Variants in FSTL5 observed in about 807,000 individuals in gnomAD.
FSTL5 encodes follistatin-related protein 5.
In FSTL5, 62 loss-of-function variants were observed where a neutral mutation model predicts 89.1. The ratio of observed to expected loss-of-function variants is 0.70; its 90% CI spans 0.57 to 0.86. The LOEUF (loss-of-function observed/expected upper bound fraction) is 0.86, where lower values mean the gene tolerates loss of function less well. FSTL5 is among the 40% of genes least tolerant of loss of function. The probability of loss-of-function intolerance (pLI) is 0.00; values close to 1 mark genes in which losing one functional copy is unlikely to be tolerated. For missense variants in FSTL5, 1,057 were observed against 1,001.6 expected (o/e 1.06, Z -0.75); for synonymous variants, 383 against 346.2 (o/e 1.11, Z -1.18).
chr4:162,145,779 G>A (rs1414147271), intron 1 of FSTL5, among the ~76,000 whole-genome samples: 9 of 152,172 alleles, frequency 5.9e-5, no homozygotes, highest in Admixed American at 5.9e-4. Flanking sequence ...AAACATTGGT[G>A]AGTATTAATA....
intron 15 of FSTL5, among the ~76,000 whole-genome samples, chr4:161,396,690 T>C (rs553586407): frequency 1.4e-5 from 2 of 146,586 alleles, no homozygotes; most frequent in African/African-American, 5.0e-5. Flanking sequence ...AGACGCAATA[T>C]GGGATATAAG....
chr4:162,058,282 T>TTG (rs1738615995), intron 2 of FSTL5, among the ~76,000 whole-genome samples: 3 of 152,000 alleles, frequency 2.0e-5, no homozygotes, highest in Middle Eastern at 6.8e-3. Flanking sequence ...GAATAGAAGG[T>TTG]TTCAACTGGA....
chr4:161,847,002 C>T (rs79150610), intron 4 of FSTL5, among the ~76,000 whole-genome samples: 5,244 of 152,166 alleles, frequency 0.034, 176 homozygotes, highest in East Asian at 0.15. Context: ...TTTGACTTTG[C>T]TGTTATTTCA....
intron 3 of FSTL5, among the ~76,000 whole-genome samples, chr4:161,950,368 T>C (rs1308669546): frequency 6.6e-6 from 1 of 152,170 alleles, no homozygotes; most frequent in Non-Finnish European, 1.5e-5. Flanking sequence ...TCTTTTTCTG[T>C]TCTGCTGTCC....
At position 161,414,686 on chromosome 4, in the gene FSTL5, C is replaced by A. The variant is rs79701306; in HGVS notation, c.1842-28237G>T. Among the ~76,000 whole-genome samples the A allele has an allele frequency of 3.5e-3, 528 of 152,138 alleles. 13 individuals are homozygous for A. The East Asian group carries it at 0.054, about 16-fold the overall frequency. Reference sequence around the variant, plus strand: ...CATTAAAAACAACAAATCAGCAATCCCAAAAGCAAATTAACTGGCAGTTCA... The same window carrying A: ...CATTAAAAACAACAAATCAGCAATCACAAAAGCAAATTAACTGGCAGTTCA... On this transcript the variant is annotated intron_variant, in intron 15 of 15. Transcript: ENST00000306100.
chr4:161,841,301 T>G (rs901485894), intron 4 of FSTL5, among the ~76,000 whole-genome samples: 21 of 152,356 alleles, frequency 1.4e-4, no homozygotes, highest in Admixed American at 5.9e-4. Flanking sequence ...ATGTTATTGT[T>G]GCAATTTCTT....
chr4:161,509,629 T>A (rs1730591535), intron 11 of FSTL5, among the ~76,000 whole-genome samples: 1 of 152,174 alleles, frequency 6.6e-6, no homozygotes, highest in Admixed American at 6.5e-5. Context: ...CAGGAAGCTA[T>A]AATCAGGGAA....
intron 3 of FSTL5, among the ~76,000 whole-genome samples, chr4:161,967,854 C>T (rs1735371230): frequency 6.6e-6 from 1 of 151,922 alleles, no homozygotes. Flanking sequence ...TCTCAAATAT[C>T]ATAATTAAAG....
intron 2 of FSTL5, among the ~76,000 whole-genome samples, chr4:162,106,150 T>G (rs1731217499): frequency 6.6e-6 from 1 of 152,210 alleles, no homozygotes; most frequent in African/African-American, 2.4e-5. Context: ...TGTACACCCT[T>G]TGCCCCATTT....
At chr4:162,146,272 A>C (rs1174221396) in intron 1 of FSTL5, among the ~76,000 whole-genome samples, 1 of 152,124 alleles carries the variant, frequency 6.6e-6, no homozygotes, top group South Asian at 2.1e-4. Flanking sequence ...TATCCATCTG[A>C]AGAATATTTC....
intron 8 of FSTL5, among the ~76,000 whole-genome samples, chr4:161,580,210 T>G (rs72687560): frequency 0.076 from 11,579 of 152,226 alleles, 568 homozygotes; most frequent in Middle Eastern, 0.18. Context: ...TAATTTGACA[T>G]GAGAAACAGT....
chr4:161,992,450 T>C (rs986537300), intron 3 of FSTL5, among the ~76,000 whole-genome samples: 3 of 151,964 alleles, frequency 2.0e-5, no homozygotes, highest in African/African-American at 7.3e-5. Context: ...AAGAATTAAC[T>C]GAGCACAGAG....
chr4:161,682,030 C>T (rs1737543338), intron 6 of FSTL5, among the ~76,000 whole-genome samples: 1 of 152,086 alleles, frequency 6.6e-6, no homozygotes, highest in Admixed American at 6.6e-5. Flanking sequence ...TAGCATGTTA[C>T]AGTAATGAGT....
At chr4:161,968,934 T>TACAC (rs147433060) in intron 3 of FSTL5, among the ~76,000 whole-genome samples, 6,379 of 140,142 alleles carry the variant, frequency 0.046, 373 homozygotes, top group African/African-American at 0.14. Flanking sequence ...GACACAGACA[T>TACAC]ACACACACAC....
chr4:161,442,533 G>C lies in FSTL5; in HGVS notation c.1841+12471C>G, dbSNP rs557686439. 7.2e-5 allele frequency among the ~76,000 whole-genome samples: 11 copies of C among 152,144 alleles called. No homozygotes were observed. The South Asian group carries it at 1.7e-3, about 23-fold the overall frequency. ...CCACAACACCTAAGGCCATGGCGAAGTTTTCAGTAAGATAAAAATTGGGAC... is the reference window on the plus strand; with the variant it reads ...CCACAACACCTAAGGCCATGGCGAACTTTTCAGTAAGATAAAAATTGGGAC... On this transcript the variant is annotated intron_variant, in intron 15 of 15. Transcript: ENST00000306100.
chr4:161,532,167 T>G (rs1731434045), intron 10 of FSTL5, among the ~76,000 whole-genome samples: 1 of 148,796 alleles, frequency 6.7e-6, no homozygotes, highest in Non-Finnish European at 1.5e-5. Context: ...ATCACGCCAC[T>G]CCAGCCTGGG....
intron 6 of FSTL5, among the ~76,000 whole-genome samples, chr4:161,719,440 TC>T (rs747520593): frequency 2.5e-4 from 38 of 152,150 alleles, no homozygotes; most frequent in Non-Finnish European, 4.6e-4. Flanking sequence ...TTACGATACT[TC>T]CAGTTTTGCT....
chr4:161,860,161 G>T (rs536168508), intron 4 of FSTL5, among the ~76,000 whole-genome samples: 3 of 151,752 alleles, frequency 2.0e-5, no homozygotes, highest in East Asian at 3.9e-4. Context: ...GGTGGCGGGC[G>T]CCTGTAGTCC....
rs1735911418 is a variant in FSTL5 at position 161,640,413 on chromosome 4, G to A, written c.894+15915C>T. Among the ~76,000 whole-genome samples, 6 of 152,126 alleles carry A rather than the reference G, an allele frequency of 3.9e-5. No homozygotes were observed. In the South Asian group the frequency reaches 1.2e-3, roughly 31 times the overall value. ...AGTTTCTCAAAGAACTAAGGAAGAT[G>A]TGAAGAACGTGAAGAAAAGCATGTA... is the stretch of plus-strand genomic sequence containing the variant. On this transcript the variant is annotated intron_variant, in intron 7 of 15. Transcript: ENST00000306100.
Sources: allele counts gnomAD v4.1 joint callset (sites outside exome capture counted in the v4.1 genomes callset), GRCh38; gene constraint gnomAD v4.1.1; transcripts MANE v1.5; gene names NCBI Gene and HGNC (gene_info 2026-07-23, HGNC 2026-07-21).